Variants in MDGA2 observed in about 807,000 individuals in gnomAD.
MDGA2 encodes MAM domain containing glycosylphosphatidylinositol anchor 2.
A neutral mutation model predicts 117.8 loss-of-function variants in MDGA2; 40 were observed. That is an observed-to-expected ratio of 0.34 (90% CI 0.26 to 0.44). MDGA2 has a LOEUF of 0.44. MDGA2 is among the 20% of genes least tolerant of loss of function. The probability of loss-of-function intolerance (pLI) is 1.00; values close to 1 mark genes in which losing one functional copy is unlikely to be tolerated. For synonymous variants in MDGA2, 452 were observed against 439.0 expected, an observed-to-expected ratio of 1.03 and a Z score of -0.37; for missense variants, 1,123 against 1,250.6, an observed-to-expected ratio of 0.90 and a Z score of 1.54.
At chr14:47,450,878 G>A (rs1893228194) in intron 1 of MDGA2, among the ~76,000 whole-genome samples, 1 of 152,056 alleles carries the variant, frequency 6.6e-6, no homozygotes. Flanking sequence ...TAACCTGAAG[G>A]ATTCAAATTA....
At chr14:46,941,071 A>G (rs1462013692) in intron 9 of MDGA2, among the ~76,000 whole-genome samples, 1 of 152,352 alleles carries the variant, frequency 6.6e-6, no homozygotes, top group South Asian at 2.1e-4. Context: ...TTTGAATCCT[A>G]GAACAAGAAA....
chr14:47,222,411 G>A (rs549756241), intron 2 of MDGA2, among the ~76,000 whole-genome samples: 17 of 151,930 alleles, frequency 1.1e-4, no homozygotes, highest in Non-Finnish European at 2.4e-4. Flanking sequence ...CTTGTGATTG[G>A]TATTCAGTAA....
chr14:47,659,448 A>C (rs896319513), intron 1 of MDGA2, among the ~76,000 whole-genome samples: 2 of 152,358 alleles, frequency 1.3e-5, no homozygotes, highest in African/African-American at 4.8e-5. Flanking sequence ...GAAATATCTT[A>C]AGAAAGTCTA....
At chr14:46,942,279 C>T (rs1885026456) in intron 9 of MDGA2, among the ~76,000 whole-genome samples, 1 of 152,104 alleles carries the variant, frequency 6.6e-6, no homozygotes, top group Non-Finnish European at 1.5e-5. Context: ...CTACAATATG[C>T]ATTAGAAAAA....
intron 8 of MDGA2, among the ~76,000 whole-genome samples, chr14:46,971,038 A>C (rs890030724): frequency 2.6e-5 from 4 of 152,070 alleles, no homozygotes; most frequent in African/African-American, 9.7e-5. Flanking sequence ...AAAGACAAAA[A>C]ACAAAACAAA....
chr14:47,088,673 A>AATC (rs1890998529), intron 6 of MDGA2, among the ~76,000 whole-genome samples: 1 of 152,302 alleles, frequency 6.6e-6, no homozygotes, highest in African/African-American at 2.4e-5. Flanking sequence ...TTAATAGCTT[A>AATC]AGATATATAC....
intron 9 of MDGA2, among the ~76,000 whole-genome samples, chr14:46,931,887 T>C (rs1161250882): frequency 6.6e-6 from 1 of 152,084 alleles, no homozygotes; most frequent in Non-Finnish European, 1.5e-5. Context: ...TAAAAACATT[T>C]TTAAATTTTT....
chr14:47,305,638 G>T (rs796220561), intron 1 of MDGA2, among the ~76,000 whole-genome samples: 24 of 152,210 alleles, frequency 1.6e-4, no homozygotes, highest in African/African-American at 4.8e-4. Flanking sequence ...CTCATATATA[G>T]ACTTTCAAGC....
chr14:47,541,408 C>A (rs1282315174), intron 1 of MDGA2, among the ~76,000 whole-genome samples: 1 of 152,140 alleles, frequency 6.6e-6, no homozygotes, highest in African/African-American at 2.4e-5. Context: ...CATAATTTTC[C>A]CATGCTTGGG....
At chr14:47,273,769 T>C (rs867113835) in intron 2 of MDGA2, among the ~76,000 whole-genome samples, 2 of 152,148 alleles carry the variant, frequency 1.3e-5, no homozygotes, top group Admixed American at 1.3e-4. Flanking sequence ...ATGTAAAGGA[T>C]AATATAGTGA....
intron 2 of MDGA2, among the ~76,000 whole-genome samples, chr14:47,292,871 G>A (rs1186173352): frequency 1.3e-5 from 2 of 152,146 alleles, no homozygotes; most frequent in Non-Finnish European, 2.9e-5. Flanking sequence ...AAAACACTAT[G>A]ATATATTATC....
intron 1 of MDGA2, among the ~76,000 whole-genome samples, chr14:47,564,507 C>A (rs1344907484): frequency 2.0e-5 from 3 of 152,144 alleles, no homozygotes; most frequent in African/African-American, 7.2e-5. Flanking sequence ...CCTCAAATCT[C>A]AGGAGAATTA....
chr14:46,896,716 C>A (rs1883091334), intron 10 of MDGA2, among the ~76,000 whole-genome samples: 1 of 152,034 alleles, frequency 6.6e-6, no homozygotes, highest in African/African-American at 2.4e-5. Context: ...TTTAAAATTA[C>A]CTGAAATACA....
chr14:47,218,218 T>C, intron 2 of MDGA2, 23 bp from the exon 3 acceptor site: 5 of 1,489,764 alleles, frequency 3.4e-6, no homozygotes, highest in Non-Finnish European at 3.6e-6. Flanking sequence ...CAACAAAGAT[T>C]GTTACTTTAG....
chr14:46,868,709 C>G (rs1016623554), intron 14 of MDGA2, among the ~76,000 whole-genome samples: 8 of 151,980 alleles, frequency 5.3e-5, no homozygotes, highest in African/African-American at 4.8e-5. Flanking sequence ...GTTTCAGAAA[C>G]CTACAGATTG....
chr14:47,372,915 C>G (rs141284562), intron 1 of MDGA2, among the ~76,000 whole-genome samples: 1 of 151,982 alleles, frequency 6.6e-6, no homozygotes, highest in Admixed American at 6.6e-5. Context: ...AGAGCTATCT[C>G]TTTTGGCCTA....
intron 10 of MDGA2, among the ~76,000 whole-genome samples, chr14:46,902,775 T>G (rs1186231782): frequency 6.6e-6 from 1 of 152,180 alleles, no homozygotes; most frequent in Non-Finnish European, 1.5e-5. Flanking sequence ...TATCTAGAAT[T>G]TTATGGTAGA....
intron 1 of MDGA2, among the ~76,000 whole-genome samples, chr14:47,360,904 A>G (rs1165800151): frequency 1.3e-5 from 2 of 152,102 alleles, no homozygotes; most frequent in Non-Finnish European, 2.9e-5. Flanking sequence ...AATGCATAAA[A>G]ACAGAGTAAC....
intron 1 of MDGA2, among the ~76,000 whole-genome samples, chr14:47,385,766 A>G (rs1891742212): frequency 1.3e-5 from 2 of 152,120 alleles, no homozygotes; most frequent in Admixed American, 6.6e-5. Flanking sequence ...CTTTTGTGTG[A>G]GCCAAATGAA....
Sources: gnomAD v4.1 joint callset for allele counts (sites outside exome capture counted in the v4.1 genomes callset) on GRCh38, gnomAD v4.1.1 for gene constraint, MANE v1.5 for transcripts, NCBI Gene and HGNC (gene_info 2026-07-23, HGNC 2026-07-21) for gene names.